TCF4: variants seen among roughly 807,000 people sequenced by gnomAD.
The protein encoded by TCF4 is SL3-3 enhancer factor 2.
TCF4 carries 3 observed loss-of-function variants against 82.1 expected under a neutral mutation model. The ratio of observed to expected loss-of-function variants is 0.04; its 90% CI spans 0.02 to 0.09. TCF4 has a LOEUF of 0.09. Among genes scored for constraint, TCF4 ranks in the 10% least tolerant of loss-of-function variants. The probability of loss-of-function intolerance (pLI) is 1.00; values close to 1 mark genes in which losing one functional copy is unlikely to be tolerated. For missense variants in TCF4, 518 were observed against 852.7 expected, an observed-to-expected ratio of 0.61 and a Z score of 4.89; for synonymous variants, 276 against 309.6, an observed-to-expected ratio of 0.89 and a Z score of 1.14.
intron 8 of TCF4, among the ~76,000 whole-genome samples, chr18:55,319,477 C>T (rs184137436): frequency 4.6e-5 from 7 of 152,230 alleles, no homozygotes; most frequent in South Asian, 2.1e-4. Context: ...GGTAGCCATC[C>T]GCAGTTTCAA....
intron 8 of TCF4, among the ~76,000 whole-genome samples, chr18:55,315,669 A>G (rs1324649146): frequency 6.6e-6 from 1 of 152,172 alleles, no homozygotes; most frequent in East Asian, 1.9e-4. Flanking sequence ...TGGTATCTAT[A>G]TACCTAAAAT....
intron 2 of TCF4, among the ~76,000 whole-genome samples, chr18:55,618,890 A>G (rs1052489970): frequency 4.0e-5 from 6 of 151,530 alleles, no homozygotes; most frequent in South Asian, 2.1e-4. Context: ...CCTGACCTCT[A>G]TTCTTTATTT....
chr18:55,566,311 T>C (rs915253557), intron 3 of TCF4, among the ~76,000 whole-genome samples: 2 of 151,974 alleles, frequency 1.3e-5, no homozygotes, highest in East Asian at 1.9e-4. Flanking sequence ...TCCGGAAAGG[T>C]AGAGGGGCAG....
intron 5 of TCF4, among the ~76,000 whole-genome samples, chr18:55,426,099 TTATA>T (rs35262105): frequency 5.8e-5 from 8 of 139,114 alleles, no homozygotes; most frequent in African/African-American, 1.4e-4. Flanking sequence ...ACAAAAAATT[TTATA>T]TATATATATA....
chr18:55,613,814 A>C (rs780151007), intron 2 of TCF4, among the ~76,000 whole-genome samples: 7 of 152,190 alleles, frequency 4.6e-5, no homozygotes, highest in Non-Finnish European at 8.8e-5. Flanking sequence ...AAAATTTGAC[A>C]TGAGATTTGG....
rs73490859 is a variant in TCF4, at chr18:55,366,629, A to C, written c.370-15626T>G. ...TTTTAGAGATAATGTCAACACCTAA[A>C]CCTATTTCACGAAAAAGTGTCTTTC... On this transcript the variant is annotated intron_variant, in intron 6 of 19. Transcript: ENST00000354452. Among the ~76,000 whole-genome samples, 1,300 of 152,300 alleles carry C rather than the reference A, an allele frequency of 8.5e-3. 23 individuals carry two copies. Among genetic ancestry groups the C allele is most frequent in the African/African-American group, 0.029 (1,211 of 41,548 alleles).
chr18:55,586,371 G>C, intron 2 of TCF4: 1 of 575,120 alleles, frequency 1.7e-6, no homozygotes, highest in Non-Finnish European at 3.1e-6. Context: ...TCTGGGACTT[G>C]GTTTAGGAAA....
intron 8 of TCF4, among the ~76,000 whole-genome samples, chr18:55,304,015 T>A (rs986640167): frequency 6.6e-6 from 1 of 152,182 alleles, no homozygotes; most frequent in Admixed American, 6.5e-5. Context: ...CCTAATTTTC[T>A]AAATAAAGCT....
At chr18:55,307,744 A>C (rs2070850181) in intron 8 of TCF4, among the ~76,000 whole-genome samples, 2 of 152,216 alleles carry the variant, frequency 1.3e-5, no homozygotes, top group South Asian at 4.1e-4. Context: ...TCAACACCAT[A>C]ATTATTACAA....
intron 8 of TCF4, among the ~76,000 whole-genome samples, chr18:55,334,229 A>G: frequency 6.6e-6 from 1 of 152,190 alleles, no homozygotes; most frequent in East Asian, 1.9e-4. Flanking sequence ...TTTATTTAGT[A>G]AAAGCATTAT....
upstream of TCF4, chr18:55,589,834 T>G (rs557401969): frequency 1.0e-6 from 1 of 1,004,540 alleles, no homozygotes; most frequent in South Asian, 4.7e-5. Context: ...CCGCGGCTGC[T>G]CCTCCAGACA....
intron 3 of TCF4, among the ~76,000 whole-genome samples, chr18:55,572,016 C>T (rs904817677): frequency 6.6e-6 from 1 of 152,138 alleles, no homozygotes; most frequent in Non-Finnish European, 1.5e-5. Context: ...CTCTAGGAGG[C>T]AGAAACAGGA....
chr18:55,232,054 T>C (rs1026553656), intron 17 of TCF4: 33 of 156,778 alleles, frequency 2.1e-4, no homozygotes, highest in Non-Finnish European at 2.8e-5. Flanking sequence ...AATTAAGGTA[T>C]TACTCTTATA....
At chr18:55,578,958 A>G (rs2147738482) in intron 3 of TCF4, among the ~76,000 whole-genome samples, 1 of 152,040 alleles carries the variant, frequency 6.6e-6, no homozygotes, top group Admixed American at 6.6e-5. Flanking sequence ...ATTCACCCAC[A>G]TAAACTGATT....
chr18:55,398,785 A>G (rs1569364493), intron 6 of TCF4, among the ~76,000 whole-genome samples: 1 of 152,222 alleles, frequency 6.6e-6, no homozygotes, highest in Non-Finnish European at 1.5e-5. Flanking sequence ...GGCACATGGT[A>G]CACATTCAGG....
intron 3 of TCF4, among the ~76,000 whole-genome samples, chr18:55,494,297 A>G: frequency 7.2e-6 from 1 of 139,468 alleles, no homozygotes; most frequent in East Asian, 1.9e-4. Flanking sequence ...CTATTTGAGA[A>G]AAAAAAAAAA....
At chr18:55,480,227 A>C (rs2096391725) in intron 3 of TCF4, among the ~76,000 whole-genome samples, 1 of 146,430 alleles carries the variant, frequency 6.8e-6, no homozygotes, top group Non-Finnish European at 1.5e-5. Context: ...TGATGATTAC[A>C]GATAACAAGG....
intron 6 of TCF4, among the ~76,000 whole-genome samples, chr18:55,385,424 G>C (rs1459253699): frequency 1.3e-5 from 2 of 152,124 alleles, no homozygotes; most frequent in African/African-American, 4.8e-5. Flanking sequence ...TTTTTTGTTA[G>C]ATGGTTTCTC....
intron 2 of TCF4, among the ~76,000 whole-genome samples, chr18:55,597,272 G>A (rs1234520159): frequency 6.6e-6 from 1 of 152,232 alleles, no homozygotes; most frequent in East Asian, 1.9e-4. Context: ...TGCTAGCAAG[G>A]GTATTCATGA....
Sources: allele counts gnomAD v4.1 joint callset (sites outside exome capture counted in the v4.1 genomes callset), GRCh38; gene constraint gnomAD v4.1.1; transcripts MANE v1.5; gene names NCBI Gene and HGNC (gene_info 2026-07-23, HGNC 2026-07-21).